NOD2: variants seen among roughly 807,000 people sequenced by gnomAD.
NOD2 encodes nucleotide-binding oligomerization domain-containing protein 2.
In NOD2, 86 loss-of-function variants were observed where a neutral mutation model predicts 90.9. That is an observed-to-expected ratio of 0.95 (90% CI 0.79 to 1.13). The LOEUF (loss-of-function observed/expected upper bound fraction) is 1.13, where lower values mean the gene tolerates loss of function less well. Ranked by LOEUF, NOD2 falls within the 50% of genes most tolerant of loss-of-function variation. NOD2 has a pLI of 0.00. For synonymous variants in NOD2, 581 were observed against 554.6 expected (o/e 1.05, Z -0.67); for missense variants, 1,238 against 1,283.8 (o/e 0.96, Z 0.55).
chr16:50,717,649 C>A (rs1357333589), intron 6 of NOD2, among the ~76,000 whole-genome samples: 1 of 152,226 alleles, frequency 6.6e-6, no homozygotes, highest in Non-Finnish European at 1.5e-5. Flanking sequence ...TGGATGGGAG[C>A]CGCCATTTTA....
chr16:50,697,471 C>T, intron 1 of NOD2: 1 of 764,660 alleles, frequency 1.3e-6, no homozygotes, highest in South Asian at 1.5e-5. Flanking sequence ...TTTTTTTCCC[C>T]AGGACCTGGG....
intron 7 of NOD2, among the ~76,000 whole-genome samples, chr16:50,721,610 G>A (rs576782052): frequency 1.4e-4 from 22 of 151,788 alleles, no homozygotes; most frequent in Non-Finnish European, 2.4e-4. Flanking sequence ...TTCCTACCTC[G>A]GCCTCCTGAG....
Position 50,716,964 on chromosome 16 carries a change from T to C in NOD2, c.2539T>C (p.Leu847=). 1 of 1,614,252 alleles carries C rather than the reference T, an allele frequency of 6.2e-7. No individual in the cohort carries two copies. The highest frequency in any genetic ancestry group is 8.5e-7 in the Non-Finnish European group (1 of 1,180,032). ...GCTCCTTGCATGCAGGCAGAACTTC[T>C]TGGCATTGAGGTGAGCCCAGGTTTT... ...AKLLACRQNF[L]ALRLGNNYIT... The change falls in exon 6 of 12, where the codon TTG becomes CTG. Residue 847 remains leucine (L), a synonymous_variant. Coordinates refer to ENST00000647318, the MANE Select transcript of NOD2 (RefSeq NM_001370466.1).
rs147750423 is a variant in NOD2 at position 50,729,829 on chromosome 16, A to C, written c.2897A>C (p.Asn966Thr). 6 of 1,612,560 alleles carry C rather than the reference A, an allele frequency of 3.7e-6. No homozygotes were observed. The South Asian group carries it at 6.6e-5, about 18-fold the overall frequency. The change falls in exon 11 of 12, where the codon AAC (asparagine) becomes ACC (threonine). Residue 966 changes from asparagine to threonine, a missense_variant. Asn to Thr is a moderately conservative substitution (Grantham distance 65). Coordinates refer to ENST00000647318, the MANE Select transcript of NOD2 (RefSeq NM_001370466.1). ...ATCTTCTTTTCCAGGTTGTCCAATAACTGCATCACCTACCTAGGGGCAGAA... is the reference window on the plus strand; with the variant it reads ...ATCTTCTTTTCCAGGTTGTCCAATACCTGCATCACCTACCTAGGGGCAGAA... ...SSLKILKLSNNCITYLGAEAL... is the reference protein window; with the variant it reads ...SSLKILKLSNTCITYLGAEAL...
chr16:50,707,734 T>G (rs902640600), intron 2 of NOD2, 121 bp from the exon 3 acceptor site: 2 of 789,538 alleles, frequency 2.5e-6, no homozygotes, highest in East Asian at 4.9e-5. Flanking sequence ...GTTCGGTTGT[T>G]TTTTTGACCT....
rs970949991 is a variant in NOD2, at chr16:50,711,811, A to G, written c.1819A>G (p.Arg607Gly). ...GCTCAGACACCTCTTCAATTGTGGC[A>G]GGCCAGGCAACTCACCAATGGCCAG... ...ALLRHLFNCGRPGNSPMARLL... is the reference protein window; with the variant it reads ...ALLRHLFNCGGPGNSPMARLL... Residue 607 changes from arginine (R) to glycine (G), a missense_variant, in exon 4 of 12, where the codon AGG (arginine) becomes GGG (glycine). Arg to Gly is a moderately radical substitution (Grantham distance 125). Around this residue, in one of 3 missense-constraint regions of NOD2, gnomAD observed 667 missense variants for 688.7 expected, o/e 0.97. Coordinates refer to ENST00000647318, the MANE Select transcript of NOD2 (RefSeq NM_001370466.1). 35 of 1,614,064 alleles carry G rather than the reference A, an allele frequency of 2.2e-5. No individual in the cohort carries two copies. The highest frequency in any genetic ancestry group is 2.7e-5 in the Non-Finnish European group (32 of 1,180,020).
rs1488672776 is a variant in NOD2 at position 50,707,912 on chromosome 16, C to T, written c.517C>T (p.Leu173=). The T allele has an allele frequency of 6.2e-7, 1 of 1,614,104 alleles. No homozygotes were observed. Residue 173 remains leucine (L), a synonymous_variant, in exon 3 of 12, where the codon CTA becomes TTA. Coordinates refer to ENST00000647318, the MANE Select transcript of NOD2 (RefSeq NM_001370466.1). The part of the protein sequence containing the change: ...VKANGLAAFL[L]QHVQELPVPL... ...AGCGAATGGATTGGCTGCCTTCCTTCTACAACATGTTCAGGAATTACCAGT... is the reference window on the plus strand; with the variant it reads ...AGCGAATGGATTGGCTGCCTTCCTTTTACAACATGTTCAGGAATTACCAGT...
In NOD2 at chr16:50,722,668, G is replaced by T; in HGVS notation, c.2680G>T (p.Glu894Ter). Residue 894 changes from glutamate (E) to a stop codon, truncating the protein, a stop_gained, in exon 8 of 12, where the codon GAA becomes TAA. Transcript: ENST00000647318. LOFTEE classifies it high-confidence loss of function. ...TGACGAGGGGGCCCAGGCCCTGGCT[G>T]AAGCCTTGGGTGATCACCAGAGCTT... ...VGDEGAQALA[E>*]ALGDHQSLRW... 6.2e-7 allele frequency: 1 copy of T among 1,614,248 alleles called. No individual in the cohort carries two copies. Among genetic ancestry groups the T allele is most frequent in the South Asian group, 1.1e-5 (1 of 91,090 alleles).
At position 50,725,517 on chromosome 16, in the gene NOD2, G is replaced by A; in HGVS notation, c.2830G>A (p.Gly944Ser). ...CLEENHLQDE[G>S]VCSLAEGLKK... is the part of the protein sequence containing the mutation. ...GGAGGAGAACCATCTCCAGGATGAA[G>A]GTGTATGTTCTCTCGCAGAAGGACT... Residue 944 changes from glycine to serine, a missense_variant, in exon 10 of 12, where the codon GGT becomes AGT. Physicochemically the swap from Gly to Ser is moderately conservative, Grantham distance 56. Around this residue, in one of 3 missense-constraint regions of NOD2, gnomAD observed 667 missense variants for 688.7 expected, o/e 0.97. Transcript: ENST00000647318. 6.2e-7 allele frequency: 1 copy of A among 1,614,088 alleles called. No individual in the cohort carries two copies. The highest frequency in any genetic ancestry group is 8.5e-7 in the Non-Finnish European group (1 of 1,179,982).
At chr16:50,694,634 CT>C (rs1963560104) in intron 1 of NOD2, among the ~76,000 whole-genome samples, 1 of 152,184 alleles carries the variant, frequency 6.6e-6, no homozygotes, top group Non-Finnish European at 1.5e-5. Context: ...CCTTGCAGCT[CT>C]TGTTTCCTTT....
chr16:50,724,331 AGAG>A (rs781354588), intron 9 of NOD2, among the ~76,000 whole-genome samples: 39 of 152,240 alleles, frequency 2.6e-4, no homozygotes, highest in Admixed American at 1.2e-3. Flanking sequence ...ATTTCTTAGT[AGAG>A]GAGAACCTTG....
At chr16:50,710,491 C>A in intron 3 of NOD2, 67 bp from the exon 4 acceptor site, 1 of 1,608,622 alleles carries the variant, frequency 6.2e-7, no homozygotes, top group Non-Finnish European at 8.5e-7. Context: ...CGCAGCAGCC[C>A]ATTGTCTGGT....
chr16:50,714,602 CTGTGTGTGTG>C (rs67559630), intron 4 of NOD2, among the ~76,000 whole-genome samples: 40 of 136,016 alleles, frequency 2.9e-4, no homozygotes, highest in African/African-American at 8.1e-4. Context: ...TGTGAGTGCA[CTGTGTGTGTG>C]TGTGTGTGTG....
At position 50,711,456 on chromosome 16, in the gene NOD2, G is replaced by T. The variant is rs553575063; in HGVS notation, c.1464G>T (p.Leu488=). 310 of 1,613,462 alleles carry T rather than the reference G, an allele frequency of 1.9e-4. 1 individual carries two copies. In the South Asian group the frequency reaches 3.2e-3, roughly 17 times the overall value. The change falls in exon 4 of 12, where the codon CTG becomes CTT. Residue 488 remains leucine, a synonymous_variant. Coordinates refer to ENST00000647318, the MANE Select transcript of NOD2 (RefSeq NM_001370466.1). ...CAAAGACCACTACAGATATGTACCT[G>T]CTGATTCTGCAGCATTTTCTGCTGC... ...GSPKTTTDMY[L]LILQHFLLHA...
intron 2 of NOD2, among the ~76,000 whole-genome samples, chr16:50,703,159 T>C (rs1428229158): frequency 6.6e-6 from 1 of 152,230 alleles, no homozygotes; most frequent in East Asian, 1.9e-4. Flanking sequence ...AAAAACAGGA[T>C]GTTGCCAGTA....
In NOD2 at chr16:50,732,126, G is replaced by A. The variant is rs1965478284; in HGVS notation, c.*307G>A. ...GACTGGCCTCTGCTGATCCTCCCAG[G>A]CTTCCGTGTGGGTCAGTGGGGCCCA... is the stretch of plus-strand genomic sequence containing the variant. On this transcript the variant is annotated 3_prime_UTR_variant, in exon 12 of 12. Coordinates refer to ENST00000647318, the MANE Select transcript of NOD2 (RefSeq NM_001370466.1). The A allele has an allele frequency of 6.9e-6, 3 of 435,404 alleles. No individual in the cohort carries two copies. The highest frequency in any genetic ancestry group is 2.0e-5 in the African/African-American group (1 of 49,450). The allele number at this position is 435,404 out of a possible 1,614,324, so 27.0% of individuals were successfully genotyped here.
In NOD2 at chr16:50,706,168, C is replaced by T. The variant is rs13331327; in HGVS notation, c.460-1687C>T. Among the ~76,000 whole-genome samples, 378 of 152,172 alleles carry T rather than the reference C, an allele frequency of 2.5e-3. 1 individual carries two copies. Among genetic ancestry groups the T allele is most frequent in the African/African-American group, 8.7e-3 (363 of 41,510 alleles). Reference sequence around the variant, plus strand: ...CTGAGAGGACAGCCAGAGCCAAGGCCCAGAGGCAGGAGCATACCTGGTAGT... The same window carrying T: ...CTGAGAGGACAGCCAGAGCCAAGGCTCAGAGGCAGGAGCATACCTGGTAGT... On this transcript the variant is annotated intron_variant, in intron 2 of 11. Coordinates refer to ENST00000647318, the MANE Select transcript of NOD2 (RefSeq NM_001370466.1).
In NOD2 at chr16:50,711,500, C is replaced by G; in HGVS notation, c.1508C>G (p.Ser503Ter). ...HFLLHATPPD[S>*]ASQGLGPSLL... The stretch of plus-strand genomic sequence containing the variant: ...CTGCTGCATGCCACCCCCCCAGACT[C>G]AGCTTCCCAAGGTCTGGGACCCAGT... The change falls in exon 4 of 12, where the codon TCA (serine) becomes TGA (stop). Residue 503 changes from serine (S) to a stop codon, truncating the protein, a stop_gained. Transcript: ENST00000647318. LOFTEE classifies it high-confidence loss of function. The G allele has an allele frequency of 6.2e-7, 1 of 1,613,372 alleles. No homozygotes were observed. Among genetic ancestry groups the G allele is most frequent in the Non-Finnish European group, 8.5e-7 (1 of 1,179,946 alleles).
At position 50,731,831 on chromosome 16, in the gene NOD2, G is replaced by A. The variant is rs1294354921; in HGVS notation, c.*12G>A. 6.2e-7 allele frequency: 1 copy of A among 1,608,206 alleles called. No homozygotes were observed. Among genetic ancestry groups the A allele is most frequent in the South Asian group, 1.1e-5 (1 of 90,962 alleles). ...GACTCTTGCTTTGAAGTCTCCGGGA[G>A]GATGTTCGTCTCAGTTTGTTTGTGA... On this transcript the variant is annotated 3_prime_UTR_variant, in exon 12 of 12. Transcript: ENST00000647318.
Sources: gnomAD v4.1 joint callset for allele counts (sites outside exome capture counted in the v4.1 genomes callset) on GRCh38, gnomAD v4.1.1 for gene constraint, gnomAD v4.1.1 regional missense constraint, MANE v1.5 for transcripts, NCBI Gene and HGNC (gene_info 2026-07-23, HGNC 2026-07-21) for gene names.